Variants in EIF4G2 observed in about 807,000 individuals in gnomAD.
EIF4G2 encodes DAP-5.
Under a neutral mutation model 117.7 loss-of-function variants are expected in EIF4G2, and 8 were observed. That is an observed-to-expected ratio of 0.07 (90% CI 0.04 to 0.12). EIF4G2 has a LOEUF of 0.12. EIF4G2 is among the 10% of genes least tolerant of loss of function. EIF4G2 has a pLI of 1.00. For missense variants in EIF4G2, 812 were observed against 1,086.2 expected, an observed-to-expected ratio of 0.75 and a Z score of 3.55; for synonymous variants, 413 against 367.8, an observed-to-expected ratio of 1.12 and a Z score of -1.41.
chr11:10,806,984 G>A (rs1847593777), intron 2 of EIF4G2, 99 bp from the exon 3 acceptor site: 1 of 1,414,432 alleles, frequency 7.1e-7, no homozygotes. Context: ...TAGAGATGGG[G>A]GTCTCGCTAT....
At position 10,797,971 on chromosome 11, in the gene EIF4G2, A is replaced by G. The variant is rs1847305256; in HGVS notation, c.2659-90T>C. The G allele has an allele frequency of 1.8e-5, 21 of 1,170,452 alleles. No homozygotes were observed. Among genetic ancestry groups the G allele is most frequent in the Non-Finnish European group, 2.6e-5 (21 of 796,614 alleles). The allele number at this position is 1,170,452 out of a possible 1,614,324, so 72.5% of individuals were successfully genotyped here. A position where few individuals can be genotyped will look rare whatever the true frequency, so the allele number is the denominator to read the frequency against. On this transcript the variant is annotated intron_variant, in intron 21 of 21. Transcript: ENST00000339995. The surrounding 1 kb of genome is among the most constrained non-coding windows in gnomAD (Gnocchi z 4.5). The stretch of plus-strand genomic sequence containing the variant: ...TTAGGTGGTACTACACAGTTTTAGA[A>G]TATGAAACAAGGATATCCCTACCAA...
chr11:10,805,822 T>G (rs953641629), intron 4 of EIF4G2, 85 bp downstream of exon 4: 1 of 1,584,908 alleles, frequency 6.3e-7, no homozygotes, highest in Non-Finnish European at 8.7e-7. Flanking sequence ...GGCATGAACC[T>G]TGCCTTCTTA....
At chr11:10,806,324 T>C (rs1185175342) in intron 3 of EIF4G2, 26 of 465,632 alleles carry the variant, frequency 5.6e-5, no homozygotes, top group Non-Finnish European at 9.2e-5. Context: ...GTATCAACGC[T>C]GTGGAACCAC....
Position 10,799,019 on chromosome 11 carries a change from A to T in EIF4G2, c.2631T>A (p.Phe877Leu), listed in dbSNP as rs374768118. The change falls in exon 21 of 22, where the codon TTT becomes TTA. Residue 877 changes from phenylalanine (F) to leucine (L), a missense_variant. Transcript: ENST00000339995. ...GGAACAAAGCCTTGCCTTTTCCCGG[A>T]AACTCTTGGGTTATATCTTCTTTCC... The T allele has an allele frequency of 6.2e-7, 1 of 1,611,174 alleles. No homozygotes were observed.
Position 10,807,318 on chromosome 11 carries a change from A to C in EIF4G2, c.-23T>G. ...CACTTTGGCGGCTTGACAACGAAGA[A>C]TCTTCAAAAGAATAATATTAATAGA... On this transcript the variant is annotated 5_prime_UTR_variant, in exon 2 of 22. Transcript: ENST00000339995. 1 of 1,613,690 alleles carries C rather than the reference A, an allele frequency of 6.2e-7. No homozygotes were observed. The highest frequency in any genetic ancestry group is 8.5e-7 in the Non-Finnish European group (1 of 1,179,850).
At chr11:10,804,509 T>TA (rs1416368638) in intron 5 of EIF4G2, 91 bp from the exon 6 acceptor site, 1 of 1,459,980 alleles carries the variant, frequency 6.8e-7, no homozygotes, top group Non-Finnish European at 9.1e-7. Context: ...ATGTTAGCTA[T>TA]TACAGTCTAC....
rs772022150 is a variant in EIF4G2 at position 10,808,466 on chromosome 11, G to A, written c.-87+239C>T. ...CGTCCCTGCAGGCGTCGGCCATCCG[G>A]CCATGACCGCACGGCGGCCTGGCCA... On this transcript the variant is annotated intron_variant, in intron 1 of 21. Coordinates refer to ENST00000339995, the MANE Select transcript of EIF4G2 (RefSeq NM_001418.4). 2.1e-5 allele frequency: 27 copies of A among 1,258,088 alleles called. No homozygotes were observed. The South Asian group carries it at 3.3e-4, about 15-fold the overall frequency. 77.9% of individuals were successfully genotyped at this position (1,258,088 alleles called of 1,614,324 possible). A position where few individuals can be genotyped will look rare whatever the true frequency, so the allele number is the denominator to read the frequency against.
In EIF4G2 at chr11:10,805,433, G is replaced by A. The variant is rs903936899; in HGVS notation, c.249-418C>T. Among the ~76,000 whole-genome samples, 6 of 151,206 alleles carry A rather than the reference G, an allele frequency of 4.0e-5. No individual in the cohort carries two copies. In the South Asian group the frequency reaches 1.1e-3, roughly 26 times the overall value. ...GCAACGGGAAGCCCCAAAATATGAC[G>A]TGCTGTTCTTCAGTTCAAGATACAT... On this transcript the variant is annotated intron_variant, in intron 4 of 21. Coordinates refer to ENST00000339995, the MANE Select transcript of EIF4G2 (RefSeq NM_001418.4).
chr11:10,801,841 C>G, intron 13 of EIF4G2, 67 bp from the exon 14 acceptor site: 1 of 1,462,230 alleles, frequency 6.8e-7, no homozygotes, highest in South Asian at 1.2e-5. Context: ...AATCAAGTAC[C>G]AAAGGGATGA....
In EIF4G2 at chr11:10,800,595, T is replaced by A; in HGVS notation, c.1697A>T (p.Asn566Ile). Residue 566 changes from asparagine to isoleucine, a missense_variant, in exon 17 of 22, where the codon AAT (asparagine) becomes ATT (isoleucine). By Grantham distance (149) the Asn-to-Ile change is moderately radical (BLOSUM62 -3). Transcript: ENST00000339995. ...AGGAGCCCTCATTTCTCTTACACCA[T>A]TGACAGCCTCATTTGCATTTCCACT... The A allele has an allele frequency of 6.2e-7, 1 of 1,614,194 alleles. No individual in the cohort carries two copies. Among genetic ancestry groups the A allele is most frequent in the Non-Finnish European group, 8.5e-7 (1 of 1,180,030 alleles).
rs1024084788 is a variant in EIF4G2 at position 10,801,022 on chromosome 11, C to T, written c.1479G>A (p.Gln493=). Residue 493 remains glutamine, a synonymous_variant, in exon 15 of 22, where the codon CAG becomes CAA. Transcript: ENST00000339995. ...GTGCACTAGGAGGAATCATAGTTAT[C>T]TGGGGCTGAAGCTTTGGCACTTGAT... 6.2e-7 allele frequency: 1 copy of T among 1,614,084 alleles called. No individual in the cohort carries two copies. The highest frequency in any genetic ancestry group is 1.7e-5 in the Admixed American group (1 of 60,002).
At chr11:10,805,704 C>T (rs139221700) in intron 4 of EIF4G2, among the ~76,000 whole-genome samples, 3,772 of 152,148 alleles carry the variant, frequency 0.025, 59 homozygotes, top group Middle Eastern at 0.045. Context: ...CTGCCCACCT[C>T]GGCCTCCCAA....
chr11:10,799,645 T>G lies in EIF4G2; in HGVS notation c.2231A>C (p.Asp744Ala). The change falls in exon 19 of 22, where the codon GAT becomes GCT. Residue 744 changes from aspartate (D) to alanine (A), a missense_variant. Physicochemically the swap from Asp to Ala is moderately radical, Grantham distance 126. Transcript: ENST00000339995. Reference sequence around the variant, plus strand: ...TTTATATATGGTTTGAGGGGATGGATCCAACTTTATTTGCTTCAACAGTTC... The same window carrying G: ...TTTATATATGGTTTGAGGGGATGGAGCCAACTTTATTTGCTTCAACAGTTC... 1 of 1,614,146 alleles carries G rather than the reference T, an allele frequency of 6.2e-7. No individual in the cohort carries two copies. Among genetic ancestry groups the G allele is most frequent in the Non-Finnish European group, 8.5e-7 (1 of 1,179,996 alleles).
chr11:10,802,979 A>T (rs373362180), intron 11 of EIF4G2, 51 bp downstream of exon 11: 2 of 1,551,430 alleles, frequency 1.3e-6, no homozygotes, highest in Non-Finnish European at 1.8e-6. Flanking sequence ...AACCCATTCT[A>T]TTCTACACAC....
At position 10,800,237 on chromosome 11, in the gene EIF4G2, T is replaced by C. The variant is rs1847379356; in HGVS notation, c.1972A>G (p.Ile658Val). 1 of 1,614,068 alleles carries C rather than the reference T, an allele frequency of 6.2e-7. No homozygotes were observed. The highest frequency in any genetic ancestry group is 1.3e-5 in the African/African-American group (1 of 74,938). ...TCTAGTGGTTGAGCTAGTTCTGAAA[T>C]GCTCACCAGCTCTGAAATGATGGCA... Residue 658 changes from isoleucine to valine, a missense_variant, in exon 18 of 22, where the codon ATT becomes GTT. Physicochemically the swap from Ile to Val is conservative, Grantham distance 29. This residue lies in a region of EIF4G2 where 571 missense variants were observed against 642.3 expected (regional missense o/e 0.89). Transcript: ENST00000339995.
intron 1 of EIF4G2, 167 bp downstream of exon 1, chr11:10,808,538 A>C: frequency 8.5e-7 from 1 of 1,171,988 alleles, no homozygotes; most frequent in South Asian, 1.4e-5. Context: ...AAGAGAGAAC[A>C]AAAGCCAAGA....
chr11:10,808,465 G>A lies in EIF4G2; in HGVS notation c.-87+240C>T, dbSNP rs536695247. 32 of 1,258,162 alleles carry A rather than the reference G, an allele frequency of 2.5e-5. No individual in the cohort carries two copies. The East Asian group carries it at 1.8e-3, about 70-fold the overall frequency. The allele number at this position is 1,258,162 out of a possible 1,614,324, so 77.9% of individuals were successfully genotyped here. A position where few individuals can be genotyped will look rare whatever the true frequency, so the allele number is the denominator to read the frequency against. ...TCGTCCCTGCAGGCGTCGGCCATCC[G>A]GCCATGACCGCACGGCGGCCTGGCC... is the stretch of plus-strand genomic sequence containing the variant. On this transcript the variant is annotated intron_variant, in intron 1 of 21. Coordinates refer to ENST00000339995, the MANE Select transcript of EIF4G2 (RefSeq NM_001418.4).
In EIF4G2 at chr11:10,803,786, T is replaced by A; in HGVS notation, c.702+113A>T. 1.5e-6 allele frequency: 2 copies of A among 1,349,988 alleles called. No individual in the cohort carries two copies. Among genetic ancestry groups the A allele is most frequent in the Non-Finnish European group, 2.0e-6 (2 of 983,132 alleles). 83.6% of individuals were successfully genotyped at this position (1,349,988 alleles called of 1,614,324 possible). On this transcript the variant is annotated intron_variant, in intron 8 of 21. Transcript: ENST00000339995. This position sits in a 1 kb window ranked among gnomAD's most constrained non-coding sequence, Gnocchi z 4.0. ...ACGTATTTCAAATTATTCTGTTTAGTAAATTTTGTTGCACATCTGTATTTA... is the reference window on the plus strand; with the variant it reads ...ACGTATTTCAAATTATTCTGTTTAGAAAATTTTGTTGCACATCTGTATTTA...
At chr11:10,799,859 C>G in intron 18 of EIF4G2, 103 bp from the exon 19 acceptor site, 6 of 1,373,778 alleles carry the variant, frequency 4.4e-6, no homozygotes, top group Non-Finnish European at 5.9e-6. Context: ...TATGTAAGAT[C>G]CATGTAGCAG....
Sources: gnomAD v4.1 joint callset for allele counts (sites outside exome capture counted in the v4.1 genomes callset) on GRCh38, gnomAD v4.1.1 for gene constraint, gnomAD v4.1.1 regional missense constraint, Gnocchi (gnomAD v3.1) non-coding constraint, MANE v1.5 for transcripts, NCBI Gene and HGNC (gene_info 2026-07-23, HGNC 2026-07-21) for gene names.